FRMD4B: variants seen among roughly 807,000 people sequenced by gnomAD.
FRMD4B encodes the protein FERM domain-containing protein 4B.
In FRMD4B, 74 loss-of-function variants were observed where a neutral mutation model predicts 141.5. That is an observed-to-expected ratio of 0.52 (90% CI 0.43 to 0.63). The LOEUF is 0.63. Ranked by LOEUF, FRMD4B falls within the 30% of genes least tolerant of loss-of-function variation. The pLI is 0.00. For synonymous variants in FRMD4B, 506 were observed against 467.9 expected (o/e 1.08, Z -1.05); for missense variants, 1,366 against 1,253.4 (o/e 1.09, Z -1.36).
intron 7 of FRMD4B, among the ~76,000 whole-genome samples, chr3:69,247,066 A>C (rs1161174646): frequency 6.6e-6 from 1 of 152,196 alleles, no homozygotes; most frequent in African/African-American, 2.4e-5. Flanking sequence ...GTCTCATCAG[A>C]GGTAGATAAG....
chr3:69,409,488 C>T (rs1308591309), intron 2 of FRMD4B, among the ~76,000 whole-genome samples: 1 of 152,218 alleles, frequency 6.6e-6, no homozygotes, highest in Middle Eastern at 3.2e-3. Context: ...CCAGTCACCT[C>T]TGGACTGCCA....
At chr3:69,309,023 A>G (rs1317884254) in intron 3 of FRMD4B, among the ~76,000 whole-genome samples, 1 of 152,204 alleles carries the variant, frequency 6.6e-6, no homozygotes, top group Non-Finnish European at 1.5e-5. Context: ...ATAGCATTGC[A>G]ATATGAGCTC....
At chr3:69,435,539 C>T (rs944749344) in intron 1 of FRMD4B, among the ~76,000 whole-genome samples, 30 of 152,310 alleles carry the variant, frequency 2.0e-4, no homozygotes, top group Non-Finnish European at 1.5e-4. Flanking sequence ...TGGCTGTTAG[C>T]GAGCTACAAC....
intron 1 of FRMD4B, among the ~76,000 whole-genome samples, chr3:69,476,355 T>C (rs1045937533): frequency 2.0e-5 from 3 of 152,156 alleles, no homozygotes; most frequent in Non-Finnish European, 4.4e-5. Flanking sequence ...TTTAAGTCTT[T>C]ATTCCATCTT....
At chr3:69,400,522 G>C (rs964203223) in intron 2 of FRMD4B, among the ~76,000 whole-genome samples, 8 of 152,198 alleles carry the variant, frequency 5.3e-5, no homozygotes, top group African/African-American at 1.9e-4. Flanking sequence ...GGCTGGTACT[G>C]GGTTAAAACT....
chr3:69,217,353 G>A (rs541203159), intron 10 of FRMD4B, among the ~76,000 whole-genome samples: 1 of 152,180 alleles, frequency 6.6e-6, no homozygotes, highest in Admixed American at 6.5e-5. Flanking sequence ...AGGCGTGGTG[G>A]TTCATGCCTG....
rs370701491 is a variant in FRMD4B, at chr3:69,536,380, C to T, written c.-129+5826G>A. On this transcript the variant is annotated intron_variant, in intron 1 of 5. Transcript: ENST00000459638. ...GTTGAGGGGCCTGGCGAGGAGGCTG[C>T]GGCACATGCCAGTGGCCAGCGCCTG... is the stretch of plus-strand genomic sequence containing the variant. The T allele has an allele frequency of 2.3e-4, 160 of 705,118 alleles. 2 individuals are homozygous for T. The East Asian group carries it at 2.6e-3, about 11-fold the overall frequency. 43.7% of individuals were successfully genotyped at this position (705,118 alleles called of 1,614,324 possible). A position where few individuals can be genotyped will look rare whatever the true frequency, so the allele number is the denominator to read the frequency against.
intron 1 of FRMD4B, among the ~76,000 whole-genome samples, chr3:69,337,352 T>C (rs189158445): frequency 0.019 from 2,945 of 152,098 alleles, 110 homozygotes; most frequent in African/African-American, 0.067. Flanking sequence ...CCATAAAAAC[T>C]CTAGAAGAAA....
chr3:69,394,603 G>A (rs540895679), intron 2 of FRMD4B, among the ~76,000 whole-genome samples: 26 of 152,322 alleles, frequency 1.7e-4, no homozygotes, highest in South Asian at 1.2e-3. Flanking sequence ...GTGGAAGACC[G>A]CGTGGCAATT....
At chr3:69,378,797 C>T (rs1704039901) in intron 1 of FRMD4B, among the ~76,000 whole-genome samples, 1 of 151,652 alleles carries the variant, frequency 6.6e-6, no homozygotes, top group Admixed American at 6.6e-5. Flanking sequence ...TCTCTCTACT[C>T]ATCAAGGTTA....
intron 7 of FRMD4B, among the ~76,000 whole-genome samples, chr3:69,241,612 C>T (rs1214895528): frequency 6.6e-6 from 1 of 152,090 alleles, no homozygotes; most frequent in Non-Finnish European, 1.5e-5. Flanking sequence ...AAAAAAGAAA[C>T]TGGTTGGGTG....
chr3:69,421,674 A>T (rs1215486271), intron 2 of FRMD4B, among the ~76,000 whole-genome samples: 1 of 152,208 alleles, frequency 6.6e-6, no homozygotes, highest in Admixed American at 6.5e-5. Flanking sequence ...TTAAACAAAA[A>T]TTAAAAATTC....
chr3:69,337,720 T>G (rs1369207853), intron 1 of FRMD4B, among the ~76,000 whole-genome samples: 1 of 152,230 alleles, frequency 6.6e-6, no homozygotes, highest in African/African-American at 2.4e-5. Context: ...TCATCATCAC[T>G]GGACATCAGA....
chr3:69,269,722 C>T (rs543083072), intron 5 of FRMD4B, among the ~76,000 whole-genome samples: 9 of 151,172 alleles, frequency 6.0e-5, no homozygotes, highest in African/African-American at 1.7e-4. Context: ...TCGGCTCAAG[C>T]GATTCTCGTG....
At chr3:69,485,966 G>A (rs1346414999) in intron 1 of FRMD4B, among the ~76,000 whole-genome samples, 1 of 152,208 alleles carries the variant, frequency 6.6e-6, no homozygotes, top group African/African-American at 2.4e-5. Flanking sequence ...GCAGATATAT[G>A]TATTCTAGAA....
chr3:69,206,503 C>G (rs1365473752), intron 11 of FRMD4B, among the ~76,000 whole-genome samples: 3 of 152,146 alleles, frequency 2.0e-5, no homozygotes, highest in Non-Finnish European at 2.9e-5. Flanking sequence ...TCATCACACC[C>G]AAGTTTCCTC....
At chr3:69,519,373 A>G (rs1053854674) in intron 1 of FRMD4B, among the ~76,000 whole-genome samples, 2 of 152,112 alleles carry the variant, frequency 1.3e-5, no homozygotes, top group Non-Finnish European at 2.9e-5. Context: ...CCAAAATTCA[A>G]TATGAATAGA....
chr3:69,467,911 C>T (rs902602823), intron 1 of FRMD4B, among the ~76,000 whole-genome samples: 1 of 152,256 alleles, frequency 6.6e-6, no homozygotes, highest in South Asian at 2.1e-4. Flanking sequence ...GAACTGTTGA[C>T]CAATGTGGAA....
Position 69,335,166 on chromosome 3 carries a change from C to T in FRMD4B, c.163-21649G>A, listed in dbSNP as rs150023276. ...CTTCAGCTTGGGTGACAGAGTGAGACACTCTCTAAAATGCTATAAATAAAG... is the reference window on the plus strand; with the variant it reads ...CTTCAGCTTGGGTGACAGAGTGAGATACTCTCTAAAATGCTATAAATAAAG... On this transcript the variant is annotated intron_variant, in intron 1 of 22. Transcript: ENST00000398540. 6.6e-5 allele frequency among the ~76,000 whole-genome samples: 10 copies of T among 152,178 alleles called. No individual in the cohort carries two copies. In the East Asian group the frequency reaches 1.9e-3, roughly 29 times the overall value.
Sources: gnomAD v4.1 joint callset for allele counts (sites outside exome capture counted in the v4.1 genomes callset) on GRCh38, gnomAD v4.1.1 for gene constraint, MANE v1.5 for transcripts, NCBI Gene and HGNC (gene_info 2026-07-23, HGNC 2026-07-21) for gene names.